Variants in FAM120B observed in about 807,000 individuals in gnomAD.
FAM120B encodes the protein family with sequence similarity 120 member B, also known as constitutive coactivator of peroxisome proliferator-activated receptor gamma.
A neutral mutation model predicts 96.3 loss-of-function variants in FAM120B; 83 were observed. That is an observed-to-expected ratio of 0.86 (90% confidence interval 0.72 to 1.03). FAM120B has a LOEUF of 1.03. FAM120B is among the 50% of genes least tolerant of loss of function. The pLI is 0.00. For missense variants in FAM120B, 1,027 were observed against 1,121.2 expected (o/e 0.92, Z 1.20); for synonymous variants, 407 against 402.7 (o/e 1.01, Z -0.13).
chr6:170,357,146 C>T (rs1163766009), intron 5 of FAM120B, among the ~76,000 whole-genome samples: 1 of 152,168 alleles, frequency 6.6e-6, no homozygotes, highest in African/African-American at 2.4e-5. Flanking sequence ...TGTTGGCTTT[C>T]TGTTTCTTTT....
intron 3 of FAM120B, among the ~76,000 whole-genome samples, chr6:170,325,851 CA>C (rs35486860): frequency 0.59 from 71,015 of 119,422 alleles, 19,054 homozygotes; most frequent in Middle Eastern, 0.69. Context: ...GACTTCATCT[CA>C]AAAAAAAAAA....
At chr6:170,350,876 C>T (rs9348315) in intron 5 of FAM120B, among the ~76,000 whole-genome samples, 15,809 of 152,242 alleles carry the variant, frequency 0.1, 1,036 homozygotes, top group East Asian at 0.2. Context: ...AAAGCCAGAG[C>T]GCCTTTTCTC....
At position 170,295,624 on chromosome 6, in the gene FAM120B, G is replaced by A. The variant is rs1437260207; in HGVS notation, c.48+171G>A. Among the ~76,000 whole-genome samples the A allele has an allele frequency of 6.6e-6, 1 of 152,204 alleles. No individual in the cohort carries two copies. The highest frequency in any genetic ancestry group is 2.4e-5 in the African/African-American group (1 of 41,466). On this transcript the variant is annotated intron_variant, in intron 1 of 10. Coordinates refer to the FAM120B transcript ENST00000537664. The surrounding 1 kb of genome is among the most constrained non-coding windows in gnomAD (Gnocchi z 7.8). Reference sequence around the variant, plus strand: ...GAATCAGCCCCGCAGCGGCTCCTAAGCCTCCCCGCTGGCCGCGGCTGCGCC... The same window carrying A: ...GAATCAGCCCCGCAGCGGCTCCTAAACCTCCCCGCTGGCCGCGGCTGCGCC...
chr6:170,400,322 C>G (rs946037306), intron 9 of FAM120B, among the ~76,000 whole-genome samples: 1 of 65,216 alleles, frequency 1.5e-5, no homozygotes, highest in Non-Finnish European at 4.3e-5. Context: ...ATGTCATTTA[C>G]AGATGTATCA....
chr6:170,318,307 T>C lies in FAM120B; in HGVS notation c.917T>C (p.Leu306Ser). 6.2e-7 allele frequency: 1 copy of C among 1,614,168 alleles called. No individual in the cohort carries two copies. Among genetic ancestry groups the C allele is most frequent in the Non-Finnish European group, 8.5e-7 (1 of 1,180,030 alleles). ...TATAAAGGAATGGCATCATATCTTTTACCAGGACAAAAATCTCCATGGTTT... is the reference window on the plus strand; with the variant it reads ...TATAAAGGAATGGCATCATATCTTTCACCAGGACAAAAATCTCCATGGTTT... ...LFYKGMASYL[L>S]PGQKSPWFFQ... Residue 306 changes from leucine to serine, a missense_variant, in exon 2 of 11, where the codon TTA becomes TCA. By Grantham distance (145) the Leu-to-Ser change is moderately radical. Around this residue, in one of 3 missense-constraint regions of FAM120B, gnomAD observed 880 missense variants for 980.9 expected, o/e 0.90. Transcript: ENST00000476287.
upstream of FAM120B, among the ~76,000 whole-genome samples, chr6:170,304,452 C>T (rs191252183): frequency 2.2e-3 from 328 of 152,268 alleles, 2 homozygotes; most frequent in African/African-American, 7.4e-3. Context: ...TGGGCCCTTT[C>T]GATACGAGAA....
intron 7 of FAM120B, among the ~76,000 whole-genome samples, chr6:170,389,361 T>C (rs1420877833): frequency 2.0e-5 from 3 of 152,202 alleles, no homozygotes; most frequent in African/African-American, 7.2e-5. Flanking sequence ...ATAGCAGTTT[T>C]AGATTTTGGA....
chr6:170,369,537 GGA>G (rs1021223781), intron 6 of FAM120B, among the ~76,000 whole-genome samples: 1 of 152,178 alleles, frequency 6.6e-6, no homozygotes, highest in Non-Finnish European at 1.5e-5. Context: ...AGTCCAGTTT[GGA>G]GAGAGTGAGG....
Position 170,372,676 on chromosome 6 carries a change from G to C in FAM120B, c.2283+14358G>C, listed in dbSNP as rs549847529. ...GGTTGGTGGGTTCTGCCCTCATGGAGCATCTTTACCAACATGGGAGGTTTT... is the reference window on the plus strand; with the variant it reads ...GGTTGGTGGGTTCTGCCCTCATGGACCATCTTTACCAACATGGGAGGTTTT... On this transcript the variant is annotated intron_variant, in intron 6 of 10. Coordinates refer to ENST00000476287, the MANE Select transcript of FAM120B (RefSeq NM_032448.3). 2.0e-5 allele frequency among the ~76,000 whole-genome samples: 3 copies of C among 152,284 alleles called. No individual in the cohort carries two copies. In the East Asian group the frequency reaches 5.8e-4, roughly 29 times the overall value.
Position 170,317,879 on chromosome 6 carries a change from A to G in FAM120B, c.489A>G (p.Val163=). The change falls in exon 2 of 11, where the codon GTA becomes GTG. Residue 163 remains valine, a synonymous_variant. Coordinates refer to ENST00000476287, the MANE Select transcript of FAM120B (RefSeq NM_032448.3). ...CTTTGCAGGAAGCAGATTATGAGGT[A>G]GCTTCCTATGGCCTCCAGCATAACT... The part of the protein sequence containing the change: ...LCSLQEADYE[V]ASYGLQHNCL... The G allele has an allele frequency of 6.2e-7, 1 of 1,614,234 alleles. No homozygotes were observed. The highest frequency in any genetic ancestry group is 1.1e-5 in the South Asian group (1 of 91,084).
intron 5 of FAM120B, among the ~76,000 whole-genome samples, chr6:170,350,018 C>G: frequency 6.6e-6 from 1 of 152,140 alleles, no homozygotes; most frequent in Middle Eastern, 3.2e-3. Flanking sequence ...TGTATCAGAT[C>G]CCTTCATGAG....
chr6:170,399,727 C>G (rs541784950), intron 9 of FAM120B, among the ~76,000 whole-genome samples: 51 of 148,258 alleles, frequency 3.4e-4, no homozygotes, highest in Non-Finnish European at 6.1e-4. Flanking sequence ...AAAGGTAGAA[C>G]TATGTCATAA....
intron 8 of FAM120B, among the ~76,000 whole-genome samples, chr6:170,393,872 C>G (rs949021032): frequency 1.3e-5 from 2 of 152,106 alleles, no homozygotes; most frequent in Non-Finnish European, 2.9e-5. Flanking sequence ...CTGCCGTTGT[C>G]TGCTTCCACG....
chr6:170,318,955 T>C lies in FAM120B; in HGVS notation c.1565T>C (p.Met522Thr), dbSNP rs749660995. 4 of 1,614,096 alleles carry C rather than the reference T, an allele frequency of 2.5e-6. No homozygotes were observed. The African/African-American group carries it at 5.3e-5, about 22-fold the overall frequency. ...CCTATATCCAAGCAAGAAGACTCCA[T>C]GTGTACACACGCTGAAATCAATCAA... ...TDPISKQEDSMCTHAEINQKL... is the reference protein window; with the variant it reads ...TDPISKQEDSTCTHAEINQKL... The change falls in exon 2 of 11, where the codon ATG becomes ACG. Residue 522 changes from methionine to threonine, a missense_variant. Transcript: ENST00000476287.
In FAM120B at chr6:170,395,490, G is replaced by C. The variant is rs988042260; in HGVS notation, c.2603G>C (p.Arg868Thr). 42 of 1,590,332 alleles carry C rather than the reference G, an allele frequency of 2.6e-5. 1 individual carries two copies. The Admixed American group carries it at 7.3e-4, about 28-fold the overall frequency. The change falls in exon 9 of 11, where the codon AGG (arginine) becomes ACG (threonine). Residue 868 changes from arginine to threonine, a missense_variant. This residue lies in a region of FAM120B where 142 missense variants were observed against 122.5 expected (regional missense o/e 1.16). Transcript: ENST00000476287. Reference sequence around the variant, plus strand: ...TTCTGACTATGTGTTCCCACAGGGAGGTGGGGAAGACAGGGCTCCAGCTAC... The same window carrying C: ...TTCTGACTATGTGTTCCCACAGGGACGTGGGGAAGACAGGGCTCCAGCTAC... Reference protein sequence around the residue: ...RAHWGSHHAGRWGRQGSSYHR... With the variant: ...RAHWGSHHAGTWGRQGSSYHR...
chr6:170,325,670 G>T (rs1459458849), intron 3 of FAM120B, among the ~76,000 whole-genome samples: 1 of 151,914 alleles, frequency 6.6e-6, no homozygotes, highest in Non-Finnish European at 1.5e-5. Context: ...GTGAAACCCT[G>T]TCTCTACTAA....
At chr6:170,398,178 C>T (rs555003289) in intron 9 of FAM120B, among the ~76,000 whole-genome samples, 5 of 152,322 alleles carry the variant, frequency 3.3e-5, no homozygotes, top group African/African-American at 1.2e-4. Flanking sequence ...CCACAGGCAA[C>T]GCACTGAAAC....
At chr6:170,383,122 C>CTTGTCT (rs1419875120) in intron 6 of FAM120B, among the ~76,000 whole-genome samples, 1 of 149,088 alleles carries the variant, frequency 6.7e-6, no homozygotes, top group African/African-American at 2.5e-5. Context: ...AAAAAAGGAC[C>CTTGTCT]TTGTCTTTGG....
At chr6:170,291,409 C>G (rs926174420), upstream of FAM120B, among the ~76,000 whole-genome samples, 1 of 152,000 alleles carries the variant, frequency 6.6e-6, no homozygotes, top group Non-Finnish European at 1.5e-5. Context: ...GCGCCGACAG[C>G]GTCCCGGGGG....
Sources: allele counts gnomAD v4.1 joint callset (sites outside exome capture counted in the v4.1 genomes callset), GRCh38; gene constraint gnomAD v4.1.1; regional missense constraint gnomAD v4.1.1; non-coding constraint Gnocchi (gnomAD v3.1); transcripts MANE v1.5; gene names NCBI Gene and HGNC (gene_info 2026-07-23, HGNC 2026-07-21).